The following MBTD1 variants were observed in gnomAD, a reference collection of about 807,000 sequenced individuals.
MBTD1 encodes the protein mbt domain containing 1, also known as MBT domain-containing protein 1.
In MBTD1, 24 loss-of-function variants were observed where a neutral mutation model predicts 87.8. That is an observed-to-expected ratio of 0.27 (90% CI 0.20 to 0.38). The LOEUF (loss-of-function observed/expected upper bound fraction) is 0.38, where lower values mean the gene tolerates loss of function less well. Among genes scored for constraint, MBTD1 ranks in the 10% least tolerant of loss-of-function variants. The probability of loss-of-function intolerance (pLI) is 1.00; values close to 1 mark genes in which losing one functional copy is unlikely to be tolerated. For missense variants in MBTD1, 436 were observed against 760.2 expected (o/e 0.57, Z 5.02); for synonymous variants, 237 against 248.6 (o/e 0.95, Z 0.44).
At chr17:51,255,053 C>T (rs1374293430) in intron 2 of MBTD1, among the ~76,000 whole-genome samples, 2 of 152,118 alleles carry the variant, frequency 1.3e-5, no homozygotes, top group African/African-American at 2.4e-5. Flanking sequence ...GAGGCTGAGG[C>T]GGGCAGATCA....
intron 16 of MBTD1, chr17:51,183,558 A>C (rs1467466532): frequency 1.3e-5 from 2 of 152,242 alleles, no homozygotes; most frequent in Non-Finnish European, 2.9e-5. Context: ...GGTGATCAAA[A>C]ATTTAACAGA....
intron 6 of MBTD1, among the ~76,000 whole-genome samples, chr17:51,216,692 C>G (rs1181684561): frequency 6.6e-6 from 1 of 152,142 alleles, no homozygotes; most frequent in Non-Finnish European, 1.5e-5. Flanking sequence ...TTTGTTAGGT[C>G]AAATCGTATG....
At chr17:51,225,348 T>C (rs1598379931) in intron 2 of MBTD1, 139 bp from the exon 3 acceptor site, 2 of 443,956 alleles carry the variant, frequency 4.5e-6, no homozygotes, top group East Asian at 7.4e-5. Context: ...TTTCTTTTTT[T>C]TTTCTTTTTT....
intron 6 of MBTD1, among the ~76,000 whole-genome samples, chr17:51,207,808 C>T (rs2051935170): frequency 6.6e-6 from 1 of 152,144 alleles, no homozygotes; most frequent in Non-Finnish European, 1.5e-5. Context: ...AGGCAATTCA[C>T]AATTACTTGG....
At chr17:51,202,974 C>T (rs2051579396) in intron 9 of MBTD1, 39 bp from the exon 10 acceptor site, 2 of 1,496,000 alleles carry the variant, frequency 1.3e-6, no homozygotes, top group African/African-American at 2.8e-5. Flanking sequence ...AAATTCATGA[C>T]AAAGGTCTAC....
chr17:51,181,780 G>A (rs376769584), intron 16 of MBTD1, among the ~76,000 whole-genome samples: 1 of 152,222 alleles, frequency 6.6e-6, no homozygotes, highest in African/African-American at 2.4e-5. Flanking sequence ...GTGCCTGCCT[G>A]AGTTCTTATC....
chr17:51,245,026 G>A (rs993928235), intron 2 of MBTD1, among the ~76,000 whole-genome samples: 3 of 151,870 alleles, frequency 2.0e-5, no homozygotes, highest in Non-Finnish European at 2.9e-5. Flanking sequence ...TCAGCTTCTC[G>A]AGTAGCTGGC....
At chr17:51,254,833 A>G (rs2144262631) in intron 2 of MBTD1, among the ~76,000 whole-genome samples, 1 of 152,386 alleles carries the variant, frequency 6.6e-6, no homozygotes. Flanking sequence ...TAAGATGACC[A>G]TATCAAAATT....
intron 11 of MBTD1, 73 bp downstream of exon 11, chr17:51,201,949 A>C: frequency 9.3e-7 from 1 of 1,081,050 alleles, no homozygotes; most frequent in Non-Finnish European, 1.4e-6. Flanking sequence ...TGATTTCCGT[A>C]ATTTTAGGAA....
chr17:51,244,960 GCA>G (rs2054346920), intron 2 of MBTD1, among the ~76,000 whole-genome samples: 2 of 152,016 alleles, frequency 1.3e-5, no homozygotes. Context: ...AAGTGCAGTG[GCA>G]TGATCTCGGC....
rs752673957 is a variant in MBTD1 at position 51,260,039 on chromosome 17, TCAA to T, written c.-320_-318del. On this transcript the variant is annotated 5_prime_UTR_variant, in exon 1 of 17. Transcript: ENST00000586178. ...CTTTAACTCGGGTGGCCCCAGGATA[TCAA>T]CAACATTAGCATAGCCCTCCCTCCC... 1.9e-4 allele frequency: 80 copies of T among 418,338 alleles called. No homozygotes were observed. The highest frequency in any genetic ancestry group is 4.3e-4 in the African/African-American group (21 of 48,952). The allele number at this position is 418,338 out of a possible 1,614,324, so 25.9% of individuals were successfully genotyped here.
At chr17:51,203,955 T>C (rs1351280160) in intron 7 of MBTD1, 30 bp from the exon 8 acceptor site, 1 of 1,535,416 alleles carries the variant, frequency 6.5e-7, no homozygotes, top group South Asian at 1.2e-5. Flanking sequence ...CACTACATAA[T>C]AAGAAAATAA....
intron 7 of MBTD1, 82 bp downstream of exon 7, chr17:51,206,806 C>A (rs2051869989): frequency 2.0e-6 from 2 of 1,003,686 alleles, no homozygotes; most frequent in Non-Finnish European, 3.0e-6. Flanking sequence ...GCAATACTTG[C>A]AAAATTTATA....
upstream of MBTD1, chr17:51,260,800 C>A: frequency 6.3e-7 from 1 of 1,582,316 alleles, no homozygotes; most frequent in East Asian, 2.3e-5. Context: ...AGAGACGGCT[C>A]CGGCAGCGGA....
At position 51,247,688 on chromosome 17, in the gene MBTD1, G is replaced by A. The variant is rs544041164; in HGVS notation, c.-49+11455C>T. On this transcript the variant is annotated intron_variant, in intron 2 of 16. Transcript: ENST00000586178. The stretch of plus-strand genomic sequence containing the variant: ...CAATCTCAAACTCCTGGGGTCAAGT[G>A]ATCCTCCTACCTTGGCCTCCCAAAA... Among the ~76,000 whole-genome samples, 17 of 152,242 alleles carry A rather than the reference G, an allele frequency of 1.1e-4. 1 individual carries two copies. The South Asian group carries it at 3.5e-3, about 32-fold the overall frequency.
Position 51,232,550 on chromosome 17 carries a change from A to G in MBTD1, c.-48-7341T>C, listed in dbSNP as rs1304550135. Among the ~76,000 whole-genome samples, 5 of 152,202 alleles carry G rather than the reference A, an allele frequency of 3.3e-5. 1 individual carries two copies. In the East Asian group the frequency reaches 9.6e-4, roughly 29 times the overall value. ...ATTAGACATGGCTAAAGAGAATTAA[A>G]AAATGGAAGATACATGATAAACACT... On this transcript the variant is annotated intron_variant, in intron 2 of 16. Transcript: ENST00000586178.
intron 2 of MBTD1, among the ~76,000 whole-genome samples, chr17:51,243,387 CACA>C (rs2054261508): frequency 2.0e-5 from 3 of 151,690 alleles, no homozygotes; most frequent in South Asian, 4.2e-4. Flanking sequence ...TCTACTCAAA[CACA>C]ACAATTACTA....
intron 6 of MBTD1, among the ~76,000 whole-genome samples, chr17:51,214,998 G>T (rs2052483847): frequency 6.6e-6 from 1 of 152,170 alleles, no homozygotes; most frequent in Admixed American, 6.5e-5. Flanking sequence ...ATGAAGTGTG[G>T]CCCCCTTAAC....
chr17:51,226,352 C>CA (rs948153483), intron 2 of MBTD1, among the ~76,000 whole-genome samples: 22 of 150,662 alleles, frequency 1.5e-4, no homozygotes, highest in African/African-American at 5.4e-4. Flanking sequence ...CCTGACTCTA[C>CA]AAAAAATGCA....
Sources: gnomAD v4.1 joint callset for allele counts (sites outside exome capture counted in the v4.1 genomes callset) on GRCh38, gnomAD v4.1.1 for gene constraint, MANE v1.5 for transcripts, NCBI Gene and HGNC (gene_info 2026-07-23, HGNC 2026-07-21) for gene names.